Variants in MYO15B observed in about 807,000 individuals in gnomAD.
MYO15B encodes the protein myosin XVB, also known as myosin XVB pseudogene.
MYO15B carries 207 observed loss-of-function variants against 119.3 expected under a neutral mutation model. That is an observed-to-expected ratio of 1.73 (90% CI 1.55 to 1.95). MYO15B has a LOEUF of 1.95. MYO15B is among the 30% of genes most tolerant of loss of function. MYO15B has a pLI of 0.00. For missense variants in MYO15B, 2,264 were observed against 1,203.1 expected, an observed-to-expected ratio of 1.88 and a Z score of -13.04; for synonymous variants, 966 against 498.9, an observed-to-expected ratio of 1.94 and a Z score of -12.48.
exon 64 of MYO15B, chr17:75,626,433 C>T: frequency 1.4e-6 from 1 of 703,296 alleles, no homozygotes; most frequent in Non-Finnish European, 2.6e-6. Flanking sequence ...ACACCACTGT[C>T]TTCCTGATAG....
chr17:75,600,369 T>C lies in MYO15B; in HGVS notation c.3526-1069T>C, dbSNP rs150848516. On this transcript the variant is annotated intron_variant, in intron 14 of 63. Coordinates refer to ENST00000645453, the Ensembl canonical transcript of MYO15B. ...AGACCTGTTTAAAAGCACATGTGAT[T>C]GTGGGACCATTCTCCCAGGAATGAT... Among the ~76,000 whole-genome samples, 27 of 151,870 alleles carry C rather than the reference T, an allele frequency of 1.8e-4. No homozygotes were observed. In the East Asian group the frequency reaches 4.3e-3, roughly 24 times the overall value.
intron 19 of MYO15B, among the ~76,000 whole-genome samples, chr17:75,604,814 A>AC (rs1190290933): frequency 1.3e-5 from 2 of 152,078 alleles, no homozygotes; most frequent in Non-Finnish European, 2.9e-5. Flanking sequence ...GAAATGAAAT[A>AC]AATACTGAGG....
intron 59 of MYO15B, 30 bp downstream of exon 59, chr17:75,624,946 G>A (rs1322400388): frequency 5.7e-6 from 4 of 699,232 alleles, no homozygotes; most frequent in African/African-American, 3.5e-5. Context: ...AGCTGCTGCT[G>A]CAGTTTGAGG....
chr17:75,592,514 A>G (rs1019460205), exon 8 of MYO15B: 4 of 606,188 alleles, frequency 6.6e-6, no homozygotes, highest in Middle Eastern at 4.3e-4. Flanking sequence ...CCCTGCAGGG[A>G]CCGGAGACTT....
chr17:75,626,716 C>T (rs966575350), exon 64 of MYO15B: 15 of 574,180 alleles, frequency 2.6e-5, no homozygotes, highest in African/African-American at 1.1e-4. Context: ...TGCAGGAACT[C>T]GGCTGGGGCA....
In MYO15B at chr17:75,589,125, G is replaced by A; in HGVS notation, c.1068G>A (p.Val356=). 1.0e-5 allele frequency: 4 copies of A among 391,542 alleles called. No individual in the cohort carries two copies. Among genetic ancestry groups the A allele is most frequent in the Non-Finnish European group, 1.8e-5 (4 of 221,438 alleles). The allele number at this position is 391,542 out of a possible 1,614,324, so 24.3% of individuals were successfully genotyped here. The change falls in exon 1 of 64, where the codon GTG becomes GTA. Residue 356 remains valine, a synonymous_variant. Transcript: ENST00000645453. This position sits in a 1 kb window ranked among gnomAD's most constrained non-coding sequence, Gnocchi z 4.2. ...CGCCAGGCGCCGCTTCCCAGGCCGT[G>A]GGCCCCCGCCGCGCTGGCCTCAAGG...
intron 23 of MYO15B, among the ~76,000 whole-genome samples, chr17:75,611,193 G>A (rs1295797494): frequency 6.6e-6 from 1 of 152,050 alleles, no homozygotes; most frequent in Non-Finnish European, 1.5e-5. Context: ...GCTGGGTGTG[G>A]TGGCACACAC....
chr17:75,614,739 G>A (rs560326553), intron 31 of MYO15B, 34 bp from the exon 32 acceptor site: 9 of 702,740 alleles, frequency 1.3e-5, no homozygotes, highest in South Asian at 3.0e-5. Flanking sequence ...CCCACGCCCC[G>A]GGCCATGGCT....
chr17:75,600,062 C>G, intron 14 of MYO15B, among the ~76,000 whole-genome samples: 1 of 137,580 alleles, frequency 7.3e-6, no homozygotes, highest in African/African-American at 2.7e-5. Flanking sequence ...CTTGCTCTGT[C>G]GCCCAGGCTG....
chr17:75,591,480 C>A, intron 4 of MYO15B, 121 bp from the exon 5 acceptor site: 1 of 655,280 alleles, frequency 1.5e-6, no homozygotes, highest in Non-Finnish European at 2.8e-6. Context: ...TATCTTTCCA[C>A]ATTTATGGGG....
exon 27 of MYO15B, chr17:75,613,113 A>G (rs958029138): frequency 4.8e-5 from 34 of 702,634 alleles, no homozygotes; most frequent in African/African-American, 3.3e-4. Flanking sequence ...CTATGGCAGA[A>G]CCCAGATGAA....
chr17:75,610,354 C>T (rs566272841), intron 22 of MYO15B, 95 bp downstream of exon 22: 11 of 583,008 alleles, frequency 1.9e-5, no homozygotes, highest in East Asian at 8.7e-5. Flanking sequence ...CCTCTCAGCC[C>T]GGCCTCGCAC....
At chr17:75,604,883 A>G (rs2147886492) in intron 19 of MYO15B, among the ~76,000 whole-genome samples, 1 of 152,336 alleles carries the variant, frequency 6.6e-6, no homozygotes, top group South Asian at 2.1e-4. Flanking sequence ...TCACGCCTGT[A>G]ATCCCAGCAC....
intron 29 of MYO15B, 40 bp from the exon 30 acceptor site, chr17:75,614,159 G>C (rs1033044876): frequency 1.4e-6 from 1 of 697,114 alleles, no homozygotes; most frequent in African/African-American, 1.8e-5. Context: ...CCCCCTTCTG[G>C]ATGGCCGCCT....
intron 1 of MYO15B, 182 bp downstream of exon 1, chr17:75,590,425 C>G: frequency 2.5e-6 from 1 of 397,634 alleles, no homozygotes; most frequent in Non-Finnish European, 4.4e-6. Flanking sequence ...GACCGCCTTT[C>G]TAATTAGTAC....
exon 46 of MYO15B, chr17:75,619,683 C>G: frequency 1.4e-6 from 1 of 702,852 alleles, no homozygotes; most frequent in Non-Finnish European, 2.6e-6. Context: ...TCCTGTAGGG[C>G]GAGAGTGGCA....
chr17:75,622,148 C>T (rs1273621058), intron 53 of MYO15B, 68 bp downstream of exon 53: 23 of 693,014 alleles, frequency 3.3e-5, no homozygotes, highest in Admixed American at 6.1e-5. Context: ...AGGAGATCCC[C>T]TTCTCTTGGT....
intron 9 of MYO15B, among the ~76,000 whole-genome samples, chr17:75,593,223 G>T (rs925051452): frequency 2.1e-5 from 3 of 145,334 alleles, no homozygotes; most frequent in African/African-American, 5.1e-5. Context: ...AAAAAAAAGG[G>T]TTGGCGGTGG....
exon 49 of MYO15B, chr17:75,620,610 C>A (rs1238473880): frequency 1.4e-6 from 1 of 702,070 alleles, no homozygotes; most frequent in South Asian, 1.5e-5. Context: ...GGAACCAGGG[C>A]TGGCTCGGTG....
Sources: allele counts gnomAD v4.1 joint callset (sites outside exome capture counted in the v4.1 genomes callset), GRCh38; gene constraint gnomAD v4.1.1; non-coding constraint Gnocchi (gnomAD v3.1); transcripts MANE v1.5; gene names NCBI Gene and HGNC (gene_info 2026-07-23, HGNC 2026-07-21).